The following ZNF891 variants were observed in gnomAD, a reference collection of about 807,000 sequenced individuals.
The protein encoded by ZNF891 is hCG1646157.
For missense variants in ZNF891, 589 were observed against 632.7 expected (o/e 0.93, Z 0.74); for synonymous variants, 199 against 209.0 (o/e 0.95, Z 0.41).
Position 133,106,612 on chromosome 12 carries a change from T to C in ZNF891, c.*13672A>G, listed in dbSNP as rs757629190. ...TTGACAACCCCTATGAATATGAAAA[T>C]TCATTTAATTACCACTCATTCCTTA... On this transcript the variant is annotated 3_prime_UTR_variant, in exon 2 of 2. Transcript: ENST00000537226. The C allele has an allele frequency of 1.2e-6, 2 of 1,604,626 alleles. No individual in the cohort carries two copies. The highest frequency in any genetic ancestry group is 1.7e-6 in the Non-Finnish European group (2 of 1,177,184).
At position 133,105,880 on chromosome 12, in the gene ZNF891, T is replaced by A; in HGVS notation, c.*14404A>T. On this transcript the variant is annotated 3_prime_UTR_variant, in exon 2 of 2. Transcript: ENST00000537226. ...AATGTGGCAAAACCTTTAGCCAGATTTCAAACCTTGTGAAACACCAAATGA... is the reference window on the plus strand; with the variant it reads ...AATGTGGCAAAACCTTTAGCCAGATATCAAACCTTGTGAAACACCAAATGA... 1 of 1,614,070 alleles carries A rather than the reference T, an allele frequency of 6.2e-7. No homozygotes were observed. Among genetic ancestry groups the A allele is most frequent in the Non-Finnish European group, 8.5e-7 (1 of 1,180,000 alleles).
At position 133,115,846 on chromosome 12, in the gene ZNF891, T is replaced by C. The variant is rs894817527; in HGVS notation, c.*4438A>G. The stretch of plus-strand genomic sequence containing the variant: ...GTTTTGGATTTTGGAATATTTGCAT[T>C]ATACCTACTAGTTGAGCATCACAAA... On this transcript the variant is annotated 3_prime_UTR_variant, in exon 2 of 2. Coordinates refer to ENST00000537226, the MANE Select transcript of ZNF891 (RefSeq NM_001277291.2). 6.6e-6 allele frequency: 1 copy of C among 152,206 alleles called. No individual in the cohort carries two copies. Among genetic ancestry groups the C allele is most frequent in the African/African-American group, 2.4e-5 (1 of 41,454 alleles). The allele number at this position is 152,206 out of a possible 1,614,324, so 9.4% of individuals were successfully genotyped here.
In ZNF891 at chr12:133,118,422, T is replaced by C. The variant is rs961334575; in HGVS notation, c.*1862A>G. ...GTTATTGTCTCTTTACTGATGTCAC[T>C]ACAATTTATATCTCTATCTAGACAC... On this transcript the variant is annotated 3_prime_UTR_variant, in exon 2 of 2. Coordinates refer to ENST00000537226, the MANE Select transcript of ZNF891 (RefSeq NM_001277291.2). 2 of 152,232 alleles carry C rather than the reference T, an allele frequency of 1.3e-5. No homozygotes were observed. Among genetic ancestry groups the C allele is most frequent in the Non-Finnish European group, 2.9e-5 (2 of 68,060 alleles). 9.4% of individuals were successfully genotyped at this position (152,232 alleles called of 1,614,324 possible). A position where few individuals can be genotyped will look rare whatever the true frequency, so the allele number is the denominator to read the frequency against.
Position 133,107,317 on chromosome 12 carries a change from T to A in ZNF891, c.*12967A>T, listed in dbSNP as rs1955635204. On this transcript the variant is annotated 3_prime_UTR_variant, in exon 2 of 2. Coordinates refer to ENST00000537226, the MANE Select transcript of ZNF891 (RefSeq NM_001277291.2). ...ATCTCCTTAGATATCTGAAAAGTCA[T>A]ACTGGATGGAATCTGTAGGAAACGG... is the stretch of plus-strand genomic sequence containing the variant. 6.6e-6 allele frequency: 1 copy of A among 152,222 alleles called. No homozygotes were observed. The highest frequency in any genetic ancestry group is 2.4e-5 in the African/African-American group (1 of 41,470). The allele number at this position is 152,222 out of a possible 1,614,324, so 9.4% of individuals were successfully genotyped here. A position where few individuals can be genotyped will look rare whatever the true frequency, so the allele number is the denominator to read the frequency against.
rs561058844 is a variant in ZNF891 at position 133,110,178 on chromosome 12, G to A, written c.*10106C>T. 1.3e-5 allele frequency: 2 copies of A among 152,308 alleles called. No homozygotes were observed. The highest frequency in any genetic ancestry group is 4.1e-4 in the South Asian group (2 of 4,832). The allele number at this position is 152,308 out of a possible 1,614,324, so 9.4% of individuals were successfully genotyped here. ...ATATTTACTTTCATAACAATATCTG[G>A]TGGATTATAAAATACACCGAAGTAA... On this transcript the variant is annotated 3_prime_UTR_variant, in exon 2 of 2. Coordinates refer to ENST00000537226, the MANE Select transcript of ZNF891 (RefSeq NM_001277291.2).
rs1402224271 is a variant in ZNF891, at chr12:133,108,603, T to A, written c.*11681A>T. ...AGCCATAAAGGTTAAACATTTACTATCTAGCCCTTTACAGAAAAACTTGGC... is the reference window on the plus strand; with the variant it reads ...AGCCATAAAGGTTAAACATTTACTAACTAGCCCTTTACAGAAAAACTTGGC... On this transcript the variant is annotated 3_prime_UTR_variant, in exon 2 of 2. Coordinates refer to ENST00000537226, the MANE Select transcript of ZNF891 (RefSeq NM_001277291.2). The A allele has an allele frequency of 1.3e-5, 2 of 152,208 alleles. No individual in the cohort carries two copies. The highest frequency in any genetic ancestry group is 1.3e-4 in the Admixed American group (2 of 15,272). 9.4% of individuals were successfully genotyped at this position (152,208 alleles called of 1,614,324 possible). A position where few individuals can be genotyped will look rare whatever the true frequency, so the allele number is the denominator to read the frequency against.
At position 133,117,445 on chromosome 12, in the gene ZNF891, G is replaced by A. The variant is rs1031004100; in HGVS notation, c.*2839C>T. 2 of 152,228 alleles carry A rather than the reference G, an allele frequency of 1.3e-5. No homozygotes were observed. Among genetic ancestry groups the A allele is most frequent in the African/African-American group, 2.4e-5 (1 of 41,450 alleles). 9.4% of individuals were successfully genotyped at this position (152,228 alleles called of 1,614,324 possible). A position where few individuals can be genotyped will look rare whatever the true frequency, so the allele number is the denominator to read the frequency against. ...CATATTCTGATCACTGCTTAGTACA[G>A]TTAGGTGTAAATAAATAAACAAGTA... On this transcript the variant is annotated 3_prime_UTR_variant, in exon 2 of 2. Coordinates refer to ENST00000537226, the MANE Select transcript of ZNF891 (RefSeq NM_001277291.2).
chr12:133,129,928 A>G (rs574906998), intron 1 of ZNF891, among the ~76,000 whole-genome samples: 1 of 152,262 alleles, frequency 6.6e-6, no homozygotes, highest in South Asian at 2.1e-4. Flanking sequence ...CGTGTTGCTT[A>G]GAGAAGGAGG....
At position 133,105,614 on chromosome 12, in the gene ZNF891, G is replaced by C; in HGVS notation, c.*14670C>G. ...GGAAAGAATTCTAAGTCAAGGCCCTGTGTATTCCAGTTTTAAAGGAGGCTG... is the reference window on the plus strand; with the variant it reads ...GGAAAGAATTCTAAGTCAAGGCCCTCTGTATTCCAGTTTTAAAGGAGGCTG... On this transcript the variant is annotated 3_prime_UTR_variant, in exon 2 of 2. Transcript: ENST00000537226. The C allele has an allele frequency of 1.9e-6, 3 of 1,614,118 alleles. No homozygotes were observed. The highest frequency in any genetic ancestry group is 2.5e-6 in the Non-Finnish European group (3 of 1,180,034).
Position 133,105,609 on chromosome 12 carries a change from G to T in ZNF891, c.*14675C>A. Reference sequence around the variant, plus strand: ...ATCATGGAAAGAATTCTAAGTCAAGGCCCTGTGTATTCCAGTTTTAAAGGA... The same window carrying T: ...ATCATGGAAAGAATTCTAAGTCAAGTCCCTGTGTATTCCAGTTTTAAAGGA... On this transcript the variant is annotated 3_prime_UTR_variant, in exon 2 of 2. Transcript: ENST00000537226. The T allele has an allele frequency of 6.2e-7, 1 of 1,614,110 alleles. No homozygotes were observed. The highest frequency in any genetic ancestry group is 1.6e-4 in the Middle Eastern group (1 of 6,062).
chr12:133,127,532 C>T (rs1382650850), intron 1 of ZNF891, among the ~76,000 whole-genome samples: 3 of 152,120 alleles, frequency 2.0e-5, no homozygotes, highest in African/African-American at 4.8e-5. Context: ...TGTGTATACT[C>T]GGTGAAAACA....
At position 133,106,569 on chromosome 12, in the gene ZNF891, A is replaced by G; in HGVS notation, c.*13715T>C. On this transcript the variant is annotated 3_prime_UTR_variant, in exon 2 of 2. Coordinates refer to ENST00000537226, the MANE Select transcript of ZNF891 (RefSeq NM_001277291.2). Reference sequence around the variant, plus strand: ...AGCTGGAGCTCAAACCTTGCTAAACATCAGAGGACACACACTCTTGACAAC... The same window carrying G: ...AGCTGGAGCTCAAACCTTGCTAAACGTCAGAGGACACACACTCTTGACAAC... 1 of 1,613,876 alleles carries G rather than the reference A, an allele frequency of 6.2e-7. No individual in the cohort carries two copies.
At position 133,121,779 on chromosome 12, in the gene ZNF891, T is replaced by G. The variant is rs1955763612; in HGVS notation, c.140A>C (p.Asp47Ala). The G allele has an allele frequency of 1.3e-6, 2 of 1,536,794 alleles. No individual in the cohort carries two copies. The highest frequency in any genetic ancestry group is 2.4e-5 in the South Asian group (2 of 84,064). The change falls in exon 2 of 2, where the codon GAT becomes GCT. Residue 47 changes from aspartate (D) to alanine (A), a missense_variant. Transcript: ENST00000537226. ...TWLQEPMTFK[D>A]VAVEFTQEEW... ...CTCCTGAGTGAACTCCACAGCTACA[T>G]CTTTGAAAGTCATTGGTTCCTGTAA... is the stretch of plus-strand genomic sequence containing the variant.
At position 133,106,710 on chromosome 12, in the gene ZNF891, CCTTA is replaced by C. The variant is rs1428141949; in HGVS notation, c.*13570_*13573del. 2.8e-6 allele frequency: 4 copies of C among 1,408,630 alleles called. No individual in the cohort carries two copies. The highest frequency in any genetic ancestry group is 1.8e-4 in the Middle Eastern group (1 of 5,436). The allele number at this position is 1,408,630 out of a possible 1,614,324, so 87.3% of individuals were successfully genotyped here. A position where few individuals can be genotyped will look rare whatever the true frequency, so the allele number is the denominator to read the frequency against. On this transcript the variant is annotated 3_prime_UTR_variant, in exon 2 of 2. Transcript: ENST00000537226. ...GAATTTTTTAAAAAGAAGTATAATG[CCTTA>C]CTTCAGAGAACTCTTGGAAAGAAGC... is the stretch of plus-strand genomic sequence containing the variant.
At position 133,117,908 on chromosome 12, in the gene ZNF891, A is replaced by G. The variant is rs1323619769; in HGVS notation, c.*2376T>C. ...ACCTTTTTAGACTTCATCTAATTGG[A>G]TCCCTAAGTAACACTAAAAACATTT... is the stretch of plus-strand genomic sequence containing the variant. On this transcript the variant is annotated 3_prime_UTR_variant, in exon 2 of 2. Transcript: ENST00000537226. 6.7e-6 allele frequency: 1 copy of G among 149,650 alleles called. No individual in the cohort carries two copies. Among genetic ancestry groups the G allele is most frequent in the African/African-American group, 2.5e-5 (1 of 40,680 alleles). 9.3% of individuals were successfully genotyped at this position (149,650 alleles called of 1,614,324 possible).
In ZNF891 at chr12:133,116,849, A is replaced by T. The variant is rs2137614281; in HGVS notation, c.*3435T>A. 6.6e-6 allele frequency: 1 copy of T among 152,374 alleles called. No individual in the cohort carries two copies. The highest frequency in any genetic ancestry group is 2.1e-4 in the South Asian group (1 of 4,826). The allele number at this position is 152,374 out of a possible 1,614,324, so 9.4% of individuals were successfully genotyped here. A position where few individuals can be genotyped will look rare whatever the true frequency, so the allele number is the denominator to read the frequency against. ...AAAACACCTACCTGACAACAATCACATCACAAGGGGGCTTATTCTCATGTA... is the reference window on the plus strand; with the variant it reads ...AAAACACCTACCTGACAACAATCACTTCACAAGGGGGCTTATTCTCATGTA... On this transcript the variant is annotated 3_prime_UTR_variant, in exon 2 of 2. Coordinates refer to ENST00000537226, the MANE Select transcript of ZNF891 (RefSeq NM_001277291.2).
In ZNF891 at chr12:133,106,793, C is replaced by T; in HGVS notation, c.*13491G>A. ...ATATGGCCCACACTTTATTCACCAC[C>T]CTGGAGAAAAAAAAACCCAGGAATA... On this transcript the variant is annotated 3_prime_UTR_variant, in exon 2 of 2. Coordinates refer to ENST00000537226, the MANE Select transcript of ZNF891 (RefSeq NM_001277291.2). 1.2e-5 allele frequency: 8 copies of T among 690,896 alleles called. No individual in the cohort carries two copies. Among genetic ancestry groups the T allele is most frequent in the Non-Finnish European group, 1.3e-5 (6 of 466,494 alleles). 42.8% of individuals were successfully genotyped at this position (690,896 alleles called of 1,614,324 possible).
intron 1 of ZNF891, among the ~76,000 whole-genome samples, chr12:133,124,326 T>G (rs1330558048): frequency 1.3e-5 from 2 of 151,948 alleles, no homozygotes; most frequent in Non-Finnish European, 2.9e-5. Context: ...CCAGATGGAT[T>G]AAAGATATGC....
rs1247997731 is a variant in ZNF891, at chr12:133,105,137, C to T, written c.*15147G>A. 1.3e-5 allele frequency among the ~76,000 whole-genome samples: 2 copies of T among 152,138 alleles called. No homozygotes were observed. Among genetic ancestry groups the T allele is most frequent in the Non-Finnish European group, 2.9e-5 (2 of 68,032 alleles). ...ACAGAATCTAATGTCTTTGTGCAAT[C>T]TGACGAACACTTAGTGTTTAGTAGC... is the stretch of plus-strand genomic sequence containing the variant. On this transcript the variant is annotated 3_prime_UTR_variant, in exon 2 of 2. Transcript: ENST00000537226.
Sources: allele counts gnomAD v4.1 joint callset (sites outside exome capture counted in the v4.1 genomes callset), GRCh38; gene constraint gnomAD v4.1.1; transcripts MANE v1.5; gene names NCBI Gene and HGNC (gene_info 2026-07-23, HGNC 2026-07-21).